The following TEX11 variants were observed in gnomAD, a reference collection of about 807,000 sequenced individuals.
TEX11 encodes testis expressed 11.
In TEX11, 7 loss-of-function variants were observed where a neutral mutation model predicts 84.4. That is an observed-to-expected ratio of 0.08 (90% CI 0.05 to 0.16). TEX11 has a LOEUF of 0.16. TEX11 is among the 10% of genes least tolerant of loss of function. The pLI, the probability that TEX11 is intolerant of heterozygous loss-of-function variation, is 1.00. For missense variants in TEX11, 551 were observed against 660.5 expected (o/e 0.83, Z 1.82); for synonymous variants, 264 against 222.8 (o/e 1.18, Z -1.64).
At chrX:70,536,774 C>CA (rs761035041) in intron 28 of TEX11, among the ~76,000 whole-genome samples, 7 of 111,962 alleles carry the variant, frequency 6.3e-5, no homozygotes, top group South Asian at 3.7e-4. Flanking sequence ...TGTTCTTTTA[C>CA]AAAAAATGTT....
At chrX:70,722,111 T>A (rs1427504837) in intron 13 of TEX11, among the ~76,000 whole-genome samples, 1 of 112,112 alleles carries the variant, frequency 8.9e-6, no homozygotes, top group Non-Finnish European at 1.9e-5. Flanking sequence ...CTATTTTAAA[T>A]GTTGTCTGCA....
At chrX:70,594,480 T>TA (rs1487388244) in intron 24 of TEX11, among the ~76,000 whole-genome samples, 1 of 111,281 alleles carries the variant, frequency 9.0e-6, no homozygotes, top group Non-Finnish European at 1.9e-5. Flanking sequence ...TCTCTTGTTT[T>TA]AAAAAAACAA....
At chrX:70,836,236 A>C (rs1344677265) in intron 7 of TEX11, among the ~76,000 whole-genome samples, 1 of 111,895 alleles carries the variant, frequency 8.9e-6, no homozygotes, top group African/African-American at 3.2e-5. Context: ...CTGATCTTAA[A>C]ATTCAAATGG....
chrX:70,577,518 T>C (rs1394705901), intron 25 of TEX11, among the ~76,000 whole-genome samples: 2 of 109,873 alleles, frequency 1.8e-5, no homozygotes, highest in African/African-American at 6.6e-5. Context: ...GGAATAAAAG[T>C]AAAACTGGAA....
chrX:70,726,842 T>C (rs1374823615), intron 11 of TEX11, among the ~76,000 whole-genome samples: 2 of 108,065 alleles, frequency 1.9e-5, no homozygotes, highest in Non-Finnish European at 3.8e-5. Flanking sequence ...CTTTTTTTTT[T>C]TCATTATTTG....
chrX:70,577,590 A>T (rs1243093931), intron 25 of TEX11, among the ~76,000 whole-genome samples: 1 of 111,578 alleles, frequency 9.0e-6, no homozygotes, highest in Admixed American at 9.5e-5. Flanking sequence ...ACAGTAAGAG[A>T]CAGAAAACAG....
At chrX:70,657,971 T>A (rs1254179975) in intron 16 of TEX11, among the ~76,000 whole-genome samples, 2 of 99,805 alleles carry the variant, frequency 2.0e-5, no homozygotes, top group South Asian at 5.6e-4. Context: ...ATATACCTAA[T>A]GCTAAATGAC....
At chrX:70,899,279 G>C (rs762617934) in intron 2 of TEX11, among the ~76,000 whole-genome samples, 9 of 111,376 alleles carry the variant, frequency 8.1e-5, no homozygotes, top group African/African-American at 2.9e-4. Flanking sequence ...TGCTTTAATT[G>C]TAAAATACAC....
chrX:70,841,388 C>T (rs1412696294), intron 7 of TEX11, among the ~76,000 whole-genome samples: 1 of 111,212 alleles, frequency 9.0e-6, no homozygotes, highest in Admixed American at 9.6e-5. Context: ...CTACTCGGTA[C>T]ATAATGAAAT....
intron 16 of TEX11, among the ~76,000 whole-genome samples, chrX:70,666,991 C>T (rs1390115007): frequency 8.9e-6 from 1 of 112,284 alleles, no homozygotes; most frequent in Non-Finnish European, 1.9e-5. Context: ...ATTTAATATA[C>T]CAGGAGTCAA....
chrX:70,654,338 T>C (rs993801755), intron 16 of TEX11, among the ~76,000 whole-genome samples: 1 of 111,485 alleles, frequency 9.0e-6, no homozygotes, highest in African/African-American at 3.3e-5. Flanking sequence ...CTAAAACTGC[T>C]GTAACAAGTA....
intron 20 of TEX11, 103 bp downstream of exon 20, chrX:70,623,847 G>T: frequency 2.9e-6 from 2 of 693,204 alleles, no homozygotes; most frequent in Non-Finnish European, 4.2e-6. Flanking sequence ...AACCTGTATT[G>T]ATCTTACCCA....
At chrX:70,625,895 C>T (rs907983250) in intron 18 of TEX11, among the ~76,000 whole-genome samples, 2 of 108,783 alleles carry the variant, frequency 1.8e-5, no homozygotes, top group African/African-American at 6.7e-5. Context: ...TTACAGGCAC[C>T]CGCCACTACG....
chrX:70,728,306 G>A (rs1334066894), intron 11 of TEX11, among the ~76,000 whole-genome samples: 1 of 112,578 alleles, frequency 8.9e-6, no homozygotes, highest in East Asian at 2.8e-4. Flanking sequence ...GGGAGTGTTG[G>A]ATAGTGGGTG....
chrX:70,780,513 T>C (rs1411912681), intron 9 of TEX11, among the ~76,000 whole-genome samples: 1 of 111,868 alleles, frequency 8.9e-6, no homozygotes, highest in Non-Finnish European at 1.9e-5. Flanking sequence ...CGTTGACTCA[T>C]GGGGGAAGCA....
chrX:70,908,053 G>A (rs1427325026), intron 1 of TEX11, among the ~76,000 whole-genome samples: 5 of 111,426 alleles, frequency 4.5e-5, no homozygotes, highest in African/African-American at 1.6e-4. Flanking sequence ...GTGGTACCCT[G>A]TTATTGGTCT....
At chrX:70,641,375 C>A (rs1163636926) in intron 17 of TEX11, among the ~76,000 whole-genome samples, 1 of 110,673 alleles carries the variant, frequency 9.0e-6, no homozygotes, top group Non-Finnish European at 1.9e-5. Context: ...AGAAAGTCAA[C>A]AAGGATACCC....
intron 25 of TEX11, among the ~76,000 whole-genome samples, chrX:70,577,418 A>G (rs2088690058): frequency 8.9e-6 from 1 of 111,950 alleles, no homozygotes; most frequent in African/African-American, 3.2e-5. Flanking sequence ...CAGAAATGCT[A>G]GAACTCAGGG....
At chrX:70,636,895 A>G (rs1465272071) in intron 17 of TEX11, among the ~76,000 whole-genome samples, 5 of 112,111 alleles carry the variant, frequency 4.5e-5, no homozygotes, top group Non-Finnish European at 9.4e-5. Context: ...GTTCCTTGAT[A>G]GGCCAATAAA....
Sources: gnomAD v4.1 joint callset for allele counts (sites outside exome capture counted in the v4.1 genomes callset) on GRCh38, gnomAD v4.1.1 for gene constraint, MANE v1.5 for transcripts, NCBI Gene and HGNC (gene_info 2026-07-23, HGNC 2026-07-21) for gene names.